The following PYGB variants were observed in gnomAD, a reference collection of about 807,000 sequenced individuals.
The protein encoded by PYGB is glycogen phosphorylase B, also known as glycogen phosphorylase, brain form.
In PYGB, 82 loss-of-function variants were observed where a neutral mutation model predicts 94.3. The ratio of observed to expected loss-of-function variants is 0.87; its 90% CI spans 0.73 to 1.04. The LOEUF (loss-of-function observed/expected upper bound fraction) is 1.04, where lower values mean the gene tolerates loss of function less well. Among genes scored for constraint, PYGB ranks in the 50% least tolerant of loss-of-function variants. PYGB has a pLI of 0.00. For missense variants in PYGB, 1,132 were observed against 1,158.2 expected (o/e 0.98, Z 0.33); for synonymous variants, 488 against 479.1 (o/e 1.02, Z -0.24).
intron 12 of PYGB, 21 bp from the exon 13 acceptor site, chr20:25,283,155 C>T (rs201715757): frequency 3.2e-5 from 51 of 1,597,714 alleles, no homozygotes; most frequent in Admixed American, 5.0e-5. Context: ...CCACAGTGAG[C>T]GGAACCTTTA....
intron 4 of PYGB, among the ~76,000 whole-genome samples, 196 bp downstream of exon 4, chr20:25,271,682 C>G (rs1319058454): frequency 6.6e-6 from 1 of 152,232 alleles, no homozygotes; most frequent in Non-Finnish European, 1.5e-5. Context: ...AGCCTGGGCC[C>G]TGTGTGAGCT....
intron 12 of PYGB, among the ~76,000 whole-genome samples, chr20:25,282,520 T>C (rs1600736151): frequency 6.6e-6 from 1 of 152,326 alleles, no homozygotes. Flanking sequence ...AGTGCTGAGG[T>C]GTCAGGCCCT....
At chr20:25,283,357 A>G in intron 13 of PYGB, 80 bp downstream of exon 13, 1 of 1,288,380 alleles carries the variant, frequency 7.8e-7, no homozygotes, top group Non-Finnish European at 1.1e-6. Context: ...GCCCTCCTAC[A>G]GGCCCAGCAC....
intron 7 of PYGB, 70 bp downstream of exon 7, chr20:25,277,396 G>A (rs760834924): frequency 6.9e-7 from 1 of 1,457,510 alleles, no homozygotes; most frequent in South Asian, 1.2e-5. Context: ...GGGCTGGCTG[G>A]CCGGGCTCCC....
chr20:25,255,477 C>T (rs1360448347), intron 1 of PYGB, among the ~76,000 whole-genome samples: 3 of 152,218 alleles, frequency 2.0e-5, no homozygotes, highest in Non-Finnish European at 4.4e-5. Flanking sequence ...GCTCAGTGGC[C>T]TGTGTTCCTG....
chr20:25,284,286 G>T (rs540562257), intron 14 of PYGB, 35 bp downstream of exon 14: 1 of 1,597,994 alleles, frequency 6.3e-7, no homozygotes, highest in Non-Finnish European at 8.5e-7. Flanking sequence ...ACCGCGCTGT[G>T]GGGCCCAAGG....
At chr20:25,257,122 CTT>C (rs1046145731) in intron 1 of PYGB, among the ~76,000 whole-genome samples, 1 of 152,228 alleles carries the variant, frequency 6.6e-6, no homozygotes, top group Non-Finnish European at 1.5e-5. Flanking sequence ...CAGCAAGCCT[CTT>C]TTCAGTTTCA....
intron 2 of PYGB, among the ~76,000 whole-genome samples, chr20:25,268,168 C>CA (rs1555806076): frequency 3.1e-5 from 3 of 97,764 alleles, no homozygotes; most frequent in African/African-American, 1.1e-4. Flanking sequence ...CCCGCCCCCC[C>CA]CCCATATCCA....
chr20:25,256,749 G>A (rs958292163), intron 1 of PYGB, among the ~76,000 whole-genome samples: 1 of 152,226 alleles, frequency 6.6e-6, no homozygotes, highest in Non-Finnish European at 1.5e-5. Flanking sequence ...GTTCATGGTT[G>A]CACAAGAGGA....
rs1265856418 is a variant in PYGB at position 25,292,407 on chromosome 20, G to C, written c.1971G>C (p.Val657=). ...ENYRVSLAEK[V]IPAADLSQQI... ...CCCTCCACGGGCTCCCCTCCACAGT[G>C]ATCCCGGCCGCTGATCTGTCGCAGC... The change falls in exon 17 of 20, where the codon GTG becomes GTC. Residue 657 remains valine (V), a splice_region_variant and synonymous_variant. Coordinates refer to ENST00000216962, the MANE Select transcript of PYGB (RefSeq NM_002862.4). 1.9e-6 allele frequency: 3 copies of C among 1,612,818 alleles called. No individual in the cohort carries two copies. Among genetic ancestry groups the C allele is most frequent in the Non-Finnish European group, 2.5e-6 (3 of 1,179,970 alleles).
chr20:25,262,905 A>G (rs2092916818), intron 2 of PYGB, among the ~76,000 whole-genome samples: 1 of 152,260 alleles, frequency 6.6e-6, no homozygotes, highest in South Asian at 2.1e-4. Context: ...CAATTCAACA[A>G]GAAGAGCTAA....
chr20:25,289,777 TC>T (rs2088449115), intron 15 of PYGB: 1 of 527,894 alleles, frequency 1.9e-6, no homozygotes, highest in Admixed American at 1.9e-5. Flanking sequence ...CTCTAGCTCT[TC>T]ACTCTTACAT....
rs12624472 is a variant in PYGB, at chr20:25,256,515, C to A, written c.244-2722C>A. Among the ~76,000 whole-genome samples, 49 of 146,356 alleles carry A rather than the reference C, an allele frequency of 3.3e-4. No homozygotes were observed. In the South Asian group the frequency reaches 4.1e-3, roughly 12 times the overall value. On this transcript the variant is annotated intron_variant, in intron 1 of 19. Transcript: ENST00000216962. ...TGTCTCAAAAAAAAAAAAACAAAAA[C>A]AAAAACAAAAAACAGGCTGGCTTTA...
intron 1 of PYGB, among the ~76,000 whole-genome samples, chr20:25,251,545 A>G (rs1047996731): frequency 6.6e-6 from 1 of 152,236 alleles, no homozygotes; most frequent in African/African-American, 2.4e-5. Flanking sequence ...GGTTCACATT[A>G]GAAGGCCTCA....
chr20:25,253,852 C>G (rs903246705), intron 1 of PYGB, among the ~76,000 whole-genome samples: 1 of 151,914 alleles, frequency 6.6e-6, no homozygotes, highest in African/African-American at 2.4e-5. Context: ...TCATTTTTCT[C>G]CGAATCATTT....
chr20:25,270,209 T>TG lies in PYGB; in HGVS notation c.424+1002_424+1003insG, dbSNP rs1568688594. Among the ~76,000 whole-genome samples the TG allele has an allele frequency of 9.0e-5, 13 of 145,078 alleles. 1 individual carries two copies. The highest frequency in any genetic ancestry group is 3.0e-4 in the African/African-American group (11 of 36,778). On this transcript the variant is annotated intron_variant, in intron 3 of 19. Coordinates refer to ENST00000216962, the MANE Select transcript of PYGB (RefSeq NM_002862.4). ...GAAGTTTTTTTTGTTTTGTTTTGTTTTTTTTTTTTTTGAGATGGAGTCTCA... is the reference window on the plus strand; with the variant it reads ...GAAGTTTTTTTTGTTTTGTTTTGTTTGTTTTTTTTTTTGAGATGGAGTCTCA...
Position 25,283,227 on chromosome 20 carries a change from C to G in PYGB, c.1570C>G (p.Pro524Ala), listed in dbSNP as rs1381484937. ...TDLSQLKKLL[P>A]LVSDEVFIRD... is the part of the protein sequence containing the mutation. ...CCTGAGCCAGCTGAAGAAGCTGCTGCCGCTGGTCAGTGACGAGGTGTTCAT... is the reference window on the plus strand; with the variant it reads ...CCTGAGCCAGCTGAAGAAGCTGCTGGCGCTGGTCAGTGACGAGGTGTTCAT... Residue 524 changes from proline (P) to alanine (A), a missense_variant, in exon 13 of 20, where the codon CCG becomes GCG. Physicochemically the swap from Pro to Ala is conservative, Grantham distance 27. Coordinates refer to ENST00000216962, the MANE Select transcript of PYGB (RefSeq NM_002862.4). 3 of 1,613,916 alleles carry G rather than the reference C, an allele frequency of 1.9e-6. No homozygotes were observed. Among genetic ancestry groups the G allele is most frequent in the Non-Finnish European group, 2.5e-6 (3 of 1,179,908 alleles).
Position 25,295,671 on chromosome 20 carries a change from G to T in PYGB, c.2379+1G>T. 1 of 1,612,964 alleles carries T rather than the reference G, an allele frequency of 6.2e-7. No homozygotes were observed. The highest frequency in any genetic ancestry group is 1.3e-5 in the African/African-American group (1 of 75,050). ...GGCACAGGTGGACCAGCTGTACCGG[G>T]TGAGGCTCCTGGGTCCAGAGGCTAG... On this transcript the variant is annotated splice_donor_variant, in intron 19 of 19. Coordinates refer to ENST00000216962, the MANE Select transcript of PYGB (RefSeq NM_002862.4). LOFTEE classifies it high-confidence loss of function.
Position 25,248,247 on chromosome 20 carries a change from C to G in PYGB, c.69C>G (p.Gly23=). Residue 23 remains glycine (G), a synonymous_variant, in exon 1 of 20, where the codon GGC becomes GGG. Transcript: ENST00000216962. ...GCGTGCGCGGCCTGGCGGGGCTAGG[C>G]GACGTGGCCGAGGTGCGGAAGAGCT... The part of the protein sequence containing the change: ...QISVRGLAGL[G]DVAEVRKSFN... 6.3e-7 allele frequency: 1 copy of G among 1,596,256 alleles called. No individual in the cohort carries two copies. Among genetic ancestry groups the G allele is most frequent in the South Asian group, 1.1e-5 (1 of 88,806 alleles).
Sources: allele counts gnomAD v4.1 joint callset (sites outside exome capture counted in the v4.1 genomes callset), GRCh38; gene constraint gnomAD v4.1.1; transcripts MANE v1.5; gene names NCBI Gene and HGNC (gene_info 2026-07-23, HGNC 2026-07-21).